Variants in RLF observed in about 807,000 individuals in gnomAD.
RLF encodes zinc finger protein Rlf.
Under a neutral mutation model 162.9 loss-of-function variants are expected in RLF, and 7 were observed. The ratio of observed to expected loss-of-function variants is 0.04; its 90% CI spans 0.02 to 0.08. The LOEUF is 0.08. Ranked by LOEUF, RLF falls within the 10% of genes least tolerant of loss-of-function variation. The pLI is 1.00. For synonymous variants in RLF, 782 were observed against 791.5 expected, an observed-to-expected ratio of 0.99 and a Z score of 0.20; for missense variants, 1,664 against 2,244.7, an observed-to-expected ratio of 0.74 and a Z score of 5.23.
At chr1:40,177,568 C>T (rs975263749) in intron 1 of RLF, among the ~76,000 whole-genome samples, 1 of 152,062 alleles carries the variant, frequency 6.6e-6, no homozygotes, top group Non-Finnish European at 1.5e-5. Context: ...GCTGGGATTA[C>T]AGGCGTGAGC....
Position 40,205,838 on chromosome 1 carries a change from G to A in RLF, c.810+3224G>A, listed in dbSNP as rs11590401. On this transcript the variant is annotated intron_variant, in intron 5 of 7. Coordinates refer to ENST00000372771, the MANE Select transcript of RLF (RefSeq NM_012421.4). ...TCTAATATGACCTTTGCCCCTGGCAGTATACCATATCACTAAATCTAATGA... is the reference window on the plus strand; with the variant it reads ...TCTAATATGACCTTTGCCCCTGGCAATATACCATATCACTAAATCTAATGA... Among the ~76,000 whole-genome samples, 210 of 152,194 alleles carry A rather than the reference G, an allele frequency of 1.4e-3. 1 individual carries two copies. Among genetic ancestry groups the A allele is most frequent in the African/African-American group, 4.9e-3 (204 of 41,524 alleles).
intron 4 of RLF, among the ~76,000 whole-genome samples, chr1:40,200,712 T>C (rs1642699923): frequency 6.6e-6 from 1 of 151,804 alleles, no homozygotes; most frequent in East Asian, 1.9e-4. Flanking sequence ...AGAAAAACTT[T>C]AACTGTATAG....
intron 1 of RLF, among the ~76,000 whole-genome samples, chr1:40,179,052 C>G (rs2124529674): frequency 6.6e-6 from 1 of 152,296 alleles, no homozygotes; most frequent in Non-Finnish European, 1.5e-5. Context: ...CCAGGCTGGT[C>G]TGGAACTTCC....
In RLF at chr1:40,239,637, T is replaced by G. The variant is rs763750356; in HGVS notation, c.4935T>G (p.Ser1645Arg). The G allele has an allele frequency of 1.2e-6, 2 of 1,614,074 alleles. No homozygotes were observed. Among genetic ancestry groups the G allele is most frequent in the Non-Finnish European group, 1.7e-6 (2 of 1,180,026 alleles). Reference protein sequence around the residue: ...PIQNTDCCHSSERDGGQKGCI... With the variant: ...PIQNTDCCHSRERDGGQKGCI... ...AGAACACTGATTGCTGTCATTCAAG[T>G]GAAAGGGATGGAGGTCAGAAAGGGT... Residue 1645 changes from serine to arginine, a missense_variant, in exon 8 of 8, where the codon AGT becomes AGG. This residue lies in a region of RLF where 327 missense variants were observed against 342.7 expected (regional missense o/e 0.95). Transcript: ENST00000372771.
At chr1:40,166,452 T>A (rs1016374535) in intron 1 of RLF, among the ~76,000 whole-genome samples, 1 of 152,046 alleles carries the variant, frequency 6.6e-6, no homozygotes, top group Non-Finnish European at 1.5e-5. Flanking sequence ...TCCTCAAGGA[T>A]CTAGAACTAG....
rs1643012621 is a variant in RLF at position 40,222,452 on chromosome 1, T to C, written c.811-122T>C. On this transcript the variant is annotated intron_variant, in intron 5 of 7. Coordinates refer to ENST00000372771, the MANE Select transcript of RLF (RefSeq NM_012421.4). ...TGAAATATTCATGCAAGAAGACTCA[T>C]TCATTAGCAGGAGAAAATTATGTCT... The C allele has an allele frequency of 5.1e-6, 4 of 779,424 alleles. No individual in the cohort carries two copies. In the East Asian group the frequency reaches 1.1e-4, roughly 21 times the overall value. The allele number at this position is 779,424 out of a possible 1,614,324, so 48.3% of individuals were successfully genotyped here.
intron 1 of RLF, among the ~76,000 whole-genome samples, chr1:40,188,299 A>G (rs1642509370): frequency 1.3e-5 from 2 of 152,198 alleles, no homozygotes; most frequent in South Asian, 4.1e-4. Flanking sequence ...GTGATAGGAC[A>G]CATATAATTT....
intron 5 of RLF, among the ~76,000 whole-genome samples, chr1:40,215,955 AAT>A (rs1281307372): frequency 6.6e-6 from 1 of 152,066 alleles, no homozygotes; most frequent in Non-Finnish European, 1.5e-5. Flanking sequence ...AAATAAATGA[AAT>A]AGAGAATAGA....
chr1:40,224,578 CTTTTTTTTTTTTT>C (rs59980316), intron 6 of RLF, among the ~76,000 whole-genome samples: 1 of 40,438 alleles, frequency 2.5e-5, no homozygotes, highest in East Asian at 9.9e-4. Flanking sequence ...CTGGCCACAT[CTTTTTTTTTTTTT>C]TTTTTTTTTC....
At chr1:40,166,930 C>A (rs1642175252) in intron 1 of RLF, among the ~76,000 whole-genome samples, 3 of 151,824 alleles carry the variant, frequency 2.0e-5, no homozygotes, top group African/African-American at 4.8e-5. Flanking sequence ...GTACAGCACA[C>A]CAACATGGCA....
chr1:40,202,838 T>A (rs1305705031), intron 5 of RLF, among the ~76,000 whole-genome samples: 1 of 152,204 alleles, frequency 6.6e-6, no homozygotes, highest in African/African-American at 2.4e-5. Context: ...AGAGGCATGT[T>A]TACTTATTTG....
intron 5 of RLF, among the ~76,000 whole-genome samples, chr1:40,208,836 A>ATT (rs1265418966): frequency 1.1e-4 from 16 of 152,154 alleles, no homozygotes; most frequent in Admixed American, 1.0e-3. Context: ...AAAACTTTGA[A>ATT]TTTTATAGAA....
chr1:40,233,856 G>GA (rs966490745), intron 7 of RLF, among the ~76,000 whole-genome samples: 2 of 151,678 alleles, frequency 1.3e-5, no homozygotes, highest in African/African-American at 2.4e-5. Flanking sequence ...TAGTTTTAAA[G>GA]AAAAAAAAGT....
chr1:40,201,908 G>A (rs1184967264), intron 4 of RLF, among the ~76,000 whole-genome samples: 1 of 152,100 alleles, frequency 6.6e-6, no homozygotes, highest in Non-Finnish European at 1.5e-5. Flanking sequence ...ATTTGACCAA[G>A]GAATCCTTTT....
At chr1:40,180,805 A>G (rs1388263307) in intron 1 of RLF, among the ~76,000 whole-genome samples, 1 of 152,218 alleles carries the variant, frequency 6.6e-6, no homozygotes, top group East Asian at 1.9e-4. Flanking sequence ...ATCAACAGAT[A>G]TAAGATTTGC....
intron 4 of RLF, among the ~76,000 whole-genome samples, chr1:40,199,511 A>G (rs777151252): frequency 2.0e-5 from 3 of 152,232 alleles, no homozygotes; most frequent in Non-Finnish European, 2.9e-5. Flanking sequence ...AATTTGTCCA[A>G]GGGTCTCACA....
At chr1:40,189,829 G>A (rs1477618330) in intron 2 of RLF, among the ~76,000 whole-genome samples, 1 of 151,928 alleles carries the variant, frequency 6.6e-6, no homozygotes, top group East Asian at 1.9e-4. Flanking sequence ...ACGTGATTTA[G>A]CTGTTATTTT....
chr1:40,180,371 G>C (rs995066068), intron 1 of RLF, among the ~76,000 whole-genome samples: 1 of 152,082 alleles, frequency 6.6e-6, no homozygotes, highest in African/African-American at 2.4e-5. Flanking sequence ...TGATTCTCCT[G>C]CCTCAGCCTC....
intron 7 of RLF, among the ~76,000 whole-genome samples, chr1:40,234,620 C>CCTT (rs1643195054): frequency 6.6e-6 from 1 of 152,184 alleles, no homozygotes; most frequent in Non-Finnish European, 1.5e-5. Context: ...TTACTGTTAT[C>CCTT]ATTTTACCAA....
Sources: allele counts gnomAD v4.1 joint callset (sites outside exome capture counted in the v4.1 genomes callset), GRCh38; gene constraint gnomAD v4.1.1; regional missense constraint gnomAD v4.1.1; transcripts MANE v1.5; gene names NCBI Gene and HGNC (gene_info 2026-07-23, HGNC 2026-07-21).